PDE3A: variants seen among roughly 807,000 people sequenced by gnomAD.
PDE3A encodes phosphodiesterase 3A.
A neutral mutation model predicts 98.3 loss-of-function variants in PDE3A; 43 were observed. That is an observed-to-expected ratio of 0.44 (90% CI 0.34 to 0.56). The LOEUF (loss-of-function observed/expected upper bound fraction) is 0.56. Among genes scored for constraint, PDE3A ranks in the 20% least tolerant of loss-of-function variants. PDE3A has a pLI of 0.01. For synonymous variants in PDE3A, 663 were observed against 567.9 expected (o/e 1.17, Z -2.38); for missense variants, 1,427 against 1,440.7 (o/e 0.99, Z 0.15).
rs1301889034 is a variant in PDE3A, at chr12:20,386,154, A to T, written c.960+15910A>T. Among the ~76,000 whole-genome samples, 25 of 95,632 alleles carry T rather than the reference A, an allele frequency of 2.6e-4. No individual in the cohort carries two copies. The East Asian group carries it at 3.6e-3, about 14-fold the overall frequency. The allele number at this position is 95,632 out of a possible 152,430, so 62.7% of individuals were successfully genotyped here. ...ATAAATATATATAAATATATATATA[A>T]ATATATATAAATATATAAAAATATA... is the stretch of plus-strand genomic sequence containing the variant. On this transcript the variant is annotated intron_variant, in intron 1 of 15. Coordinates refer to ENST00000359062, the MANE Select transcript of PDE3A (RefSeq NM_000921.5).
rs888537530 is a variant in PDE3A at position 20,651,277 on chromosome 12, C to T, written c.2925+677C>T. 2.0e-5 allele frequency among the ~76,000 whole-genome samples: 3 copies of T among 152,090 alleles called. No individual in the cohort carries two copies. In the East Asian group the frequency reaches 5.8e-4, roughly 29 times the overall value. On this transcript the variant is annotated intron_variant, in intron 14 of 15. Coordinates refer to ENST00000359062, the MANE Select transcript of PDE3A (RefSeq NM_000921.5). The stretch of plus-strand genomic sequence containing the variant: ...TACACCCATCAGAATGCACTTGAAC[C>T]TTCCTGTTTGGCACTGTGAACCACT...
Position 20,686,691 on chromosome 12 carries a change from T to A in PDE3A, c.*6420T>A, listed in dbSNP as rs1408404697. Among the ~76,000 whole-genome samples, 1 of 152,102 alleles carries A rather than the reference T, an allele frequency of 6.6e-6. No individual in the cohort carries two copies. The highest frequency in any genetic ancestry group is 2.4e-5 in the African/African-American group (1 of 41,432). On this transcript the variant is annotated 3_prime_UTR_variant, in exon 16 of 16. Transcript: ENST00000359062. ...AAGACAAACTCATAGGAGGAAAGCA[T>A]GGCTTCTCTTCAATTATACTTCTCT...
chr12:20,397,402 T>G (rs1320735846), intron 1 of PDE3A, among the ~76,000 whole-genome samples: 1 of 152,100 alleles, frequency 6.6e-6, no homozygotes, highest in Non-Finnish European at 1.5e-5. Context: ...AATAAACGTT[T>G]TGAGCCCTTT....
At chr12:20,510,888 A>G (rs867842792) in intron 1 of PDE3A, among the ~76,000 whole-genome samples, 6 of 152,074 alleles carry the variant, frequency 3.9e-5, no homozygotes, top group Non-Finnish European at 7.4e-5. Context: ...CATTTGCTCA[A>G]AAAAACACTT....
rs537957404 is a variant in PDE3A, at chr12:20,644,261, G to A, written c.2252-2229G>A. On this transcript the variant is annotated intron_variant, in intron 10 of 15. Coordinates refer to ENST00000359062, the MANE Select transcript of PDE3A (RefSeq NM_000921.5). ...TCTTACAAATCCAGCATTGATTCTGGGAGAAAGCTGGTGATCTATACTAGT... is the reference window on the plus strand; with the variant it reads ...TCTTACAAATCCAGCATTGATTCTGAGAGAAAGCTGGTGATCTATACTAGT... 3.9e-5 allele frequency among the ~76,000 whole-genome samples: 6 copies of A among 152,194 alleles called. No homozygotes were observed. The East Asian group carries it at 1.2e-3, about 29-fold the overall frequency.
At chr12:20,392,736 A>G (rs1395988610) in intron 1 of PDE3A, among the ~76,000 whole-genome samples, 3 of 152,060 alleles carry the variant, frequency 2.0e-5, no homozygotes, top group Admixed American at 6.6e-5. Context: ...TTCAGTGTCT[A>G]TCAACAGATG....
At chr12:20,678,751 T>C (rs995401234) in intron 15 of PDE3A, among the ~76,000 whole-genome samples, 1 of 152,156 alleles carries the variant, frequency 6.6e-6, no homozygotes, top group African/African-American at 2.4e-5. Context: ...ATTCATTCTG[T>C]GCAAATGAGA....
At chr12:20,386,016 A>AT (rs1943757710) in intron 1 of PDE3A, among the ~76,000 whole-genome samples, 1 of 86,212 alleles carries the variant, frequency 1.2e-5, no homozygotes, top group African/African-American at 4.6e-5. Flanking sequence ...AAATATATAT[A>AT]AAATATATAT....
chr12:20,450,032 T>C, intron 1 of PDE3A: 1 of 658,404 alleles, frequency 1.5e-6, no homozygotes, highest in Non-Finnish European at 2.8e-6. Flanking sequence ...TTACGGAAGT[T>C]TTTCATTCCA....
At position 20,370,102 on chromosome 12, in the gene PDE3A, C is replaced by G; in HGVS notation, c.818C>G (p.Ser273Cys). 3.7e-6 allele frequency: 6 copies of G among 1,613,164 alleles called. No individual in the cohort carries two copies. The highest frequency in any genetic ancestry group is 5.1e-6 in the Non-Finnish European group (6 of 1,179,872). ...AEAAPREHLG[S>C]QLIAGTKEDI... ...GCGGCTCCAAGGGAGCATTTGGGGT[C>G]CCAGCTGATTGCTGGGACCAAGGAA... The change falls in exon 1 of 16, where the codon TCC becomes TGC. Residue 273 changes from serine (S) to cysteine (C), a missense_variant. Transcript: ENST00000359062.
chr12:20,649,892 A>T (rs1218371176), intron 13 of PDE3A, among the ~76,000 whole-genome samples: 1 of 152,096 alleles, frequency 6.6e-6, no homozygotes, highest in East Asian at 1.9e-4. Context: ...GGACCATGAC[A>T]CTCCAGCCTG....
At chr12:20,462,523 G>A (rs1468884296) in intron 1 of PDE3A, among the ~76,000 whole-genome samples, 1 of 151,954 alleles carries the variant, frequency 6.6e-6, no homozygotes, top group Non-Finnish European at 1.5e-5. Context: ...TTTTTTTTTG[G>A]TTGTTTGTGA....
chr12:20,532,238 T>A (rs1228728970), intron 1 of PDE3A, among the ~76,000 whole-genome samples: 1 of 152,186 alleles, frequency 6.6e-6, no homozygotes, highest in Non-Finnish European at 1.5e-5. Flanking sequence ...TGACAAAATC[T>A]GCGGTAAGAA....
At chr12:20,574,755 T>G in intron 2 of PDE3A, among the ~76,000 whole-genome samples, 1 of 151,994 alleles carries the variant, frequency 6.6e-6, no homozygotes, top group East Asian at 1.9e-4. Context: ...GAGGATCAAC[T>G]TACAAGGTCA....
intron 2 of PDE3A, among the ~76,000 whole-genome samples, chr12:20,610,983 A>G (rs1005707888): frequency 6.6e-6 from 1 of 151,974 alleles, no homozygotes; most frequent in Non-Finnish European, 1.5e-5. Flanking sequence ...AATGTACATG[A>G]GGATTACAGT....
chr12:20,585,910 C>T (rs1943184384), intron 2 of PDE3A, among the ~76,000 whole-genome samples: 1 of 152,178 alleles, frequency 6.6e-6, no homozygotes, highest in African/African-American at 2.4e-5. Context: ...CTATGCTAGA[C>T]ACTGCGGATA....
At chr12:20,419,370 G>A (rs908699657) in intron 1 of PDE3A, among the ~76,000 whole-genome samples, 5 of 151,818 alleles carry the variant, frequency 3.3e-5, no homozygotes, top group Non-Finnish European at 5.9e-5. Flanking sequence ...ATAGCTCCCT[G>A]CAGGCTTGAA....
At chr12:20,547,787 G>A (rs964983621) in intron 1 of PDE3A, among the ~76,000 whole-genome samples, 16 of 151,650 alleles carry the variant, frequency 1.1e-4, no homozygotes, top group African/African-American at 2.9e-4. Context: ...TCATTTTTAC[G>A]TAAACAAACA....
rs1224008789 is a variant in PDE3A at position 20,688,199 on chromosome 12, G to A, written c.*7928G>A. Among the ~76,000 whole-genome samples, 1 of 151,798 alleles carries A rather than the reference G, an allele frequency of 6.6e-6. No homozygotes were observed. The highest frequency in any genetic ancestry group is 1.5e-5 in the Non-Finnish European group (1 of 67,912). Reference sequence around the variant, plus strand: ...TCAACTTCTAGAAAAACAAGAGTGAGTCTTTTGAACTTCATCATTTTGCAA... The same window carrying A: ...TCAACTTCTAGAAAAACAAGAGTGAATCTTTTGAACTTCATCATTTTGCAA... On this transcript the variant is annotated 3_prime_UTR_variant, in exon 16 of 16. Transcript: ENST00000359062.
Sources: allele counts gnomAD v4.1 joint callset (sites outside exome capture counted in the v4.1 genomes callset), GRCh38; gene constraint gnomAD v4.1.1; transcripts MANE v1.5; gene names NCBI Gene and HGNC (gene_info 2026-07-23, HGNC 2026-07-21).